The following FLT1 variants were observed in gnomAD, a reference collection of about 807,000 sequenced individuals.
The protein encoded by FLT1 is vascular endothelial growth factor receptor 1.
A neutral mutation model predicts 156.3 loss-of-function variants in FLT1; 49 were observed. The observed-to-expected ratio is 0.31, with a 90% CI of 0.25 to 0.40. The LOEUF (loss-of-function observed/expected upper bound fraction) is 0.40, where lower values mean the gene tolerates loss of function less well. Among genes scored for constraint, FLT1 ranks in the 10% least tolerant of loss-of-function variants. FLT1 has a pLI of 1.00. For missense variants in FLT1, 1,322 were observed against 1,637.2 expected (o/e 0.81, Z 3.32); for synonymous variants, 594 against 583.8 (o/e 1.02, Z -0.25).
intron 14 of FLT1, among the ~76,000 whole-genome samples, chr13:28,376,377 T>G (rs1873839950): frequency 6.6e-6 from 1 of 152,258 alleles, no homozygotes; most frequent in Non-Finnish European, 1.5e-5. Flanking sequence ...ACTACTGCTT[T>G]AACCTTAAAA....
intron 17 of FLT1, 48 bp downstream of exon 17, chr13:28,339,120 A>C (rs193299048): frequency 2.1e-4 from 337 of 1,573,838 alleles, no homozygotes; most frequent in Admixed American, 1.7e-4. Flanking sequence ...TTTTTCATGT[A>C]ATATGTGCTC....
intron 3 of FLT1, among the ~76,000 whole-genome samples, chr13:28,450,037 G>A (rs545124894): frequency 3.0e-4 from 46 of 152,254 alleles, no homozygotes; most frequent in Admixed American, 1.5e-3. Flanking sequence ...CAGCAGAGGC[G>A]GACACATGGC....
At chr13:28,321,776 G>A (rs1202933918) in intron 22 of FLT1, among the ~76,000 whole-genome samples, 191 bp from the exon 23 acceptor site, 1 of 152,232 alleles carries the variant, frequency 6.6e-6, no homozygotes, top group East Asian at 1.9e-4. Context: ...AGCCCTCAAA[G>A]TCAAGAAATG....
chr13:28,334,767 T>C (rs1241277795), intron 17 of FLT1, among the ~76,000 whole-genome samples: 2 of 152,194 alleles, frequency 1.3e-5, no homozygotes, highest in African/African-American at 4.8e-5. Context: ...AGGTAGTTGC[T>C]AAATGCAATA....
chr13:28,484,368 A>T (rs1881027110), intron 1 of FLT1, among the ~76,000 whole-genome samples: 1 of 152,184 alleles, frequency 6.6e-6, no homozygotes, highest in Non-Finnish European at 1.5e-5. Flanking sequence ...GAGCTTTTCT[A>T]GAATAAAGTG....
chr13:28,399,394 T>C (rs1875285783), intron 11 of FLT1, among the ~76,000 whole-genome samples: 1 of 152,188 alleles, frequency 6.6e-6, no homozygotes, highest in Non-Finnish European at 1.5e-5. Flanking sequence ...TTGGGAGTGT[T>C]TGAAATTATG....
chr13:28,370,201 A>G (rs1165906055), intron 14 of FLT1, among the ~76,000 whole-genome samples: 1 of 151,960 alleles, frequency 6.6e-6, no homozygotes, highest in Non-Finnish European at 1.5e-5. Flanking sequence ...AAAAAAAAAA[A>G]GCTGTATAAT....
In FLT1 at chr13:28,427,130, A is replaced by C. The variant is rs755236415; in HGVS notation, c.1436+29T>G. On this transcript the variant is annotated intron_variant, in intron 10 of 29. Coordinates refer to ENST00000282397, the MANE Select transcript of FLT1 (RefSeq NM_002019.4). ...ATTCCAGGTGTCAAAAAGTATTTGA[A>C]AGTTAGTAAAAAAACTGACTGTCCC... 3.2e-5 allele frequency: 51 copies of C among 1,604,678 alleles called. 1 individual carries two copies. The South Asian group carries it at 5.6e-4, about 18-fold the overall frequency.
In FLT1 at chr13:28,300,542, C is replaced by G. The variant is rs1870470909; in HGVS notation, c.*2625G>C. 1 of 232,884 alleles carries G rather than the reference C, an allele frequency of 4.3e-6. No individual in the cohort carries two copies. The highest frequency in any genetic ancestry group is 8.5e-6 in the Non-Finnish European group (1 of 118,042). The allele number at this position is 232,884 out of a possible 1,614,324, so 14.4% of individuals were successfully genotyped here. On this transcript the variant is annotated 3_prime_UTR_variant, in exon 30 of 30. Transcript: ENST00000282397. ...ACACCCACACACACACACACACACA[C>G]ACACACACACACACATACAGTTACA...
At chr13:28,345,378 T>G in intron 16 of FLT1, 67 bp downstream of exon 16, 1 of 945,200 alleles carries the variant, frequency 1.1e-6, no homozygotes, top group Non-Finnish European at 1.7e-6. Context: ...TTGCCTACTC[T>G]AGACATCAGA....
Position 28,491,856 on chromosome 13 carries a change from C to G in FLT1, c.64+2924G>C, listed in dbSNP as rs574883982. Among the ~76,000 whole-genome samples, 6 of 152,248 alleles carry G rather than the reference C, an allele frequency of 3.9e-5. No homozygotes were observed. In the South Asian group the frequency reaches 1.2e-3, roughly 32 times the overall value. ...CATTTTACATACGAAAACAAAGTAC[C>G]CACTTGGTGATCGTTAGAAAAGAAA... On this transcript the variant is annotated intron_variant, in intron 1 of 29. Transcript: ENST00000282397.
At chr13:28,427,606 G>A (rs939421299) in intron 9 of FLT1, 146 bp downstream of exon 9, 1 of 786,150 alleles carries the variant, frequency 1.3e-6, no homozygotes, top group Admixed American at 2.0e-5. Flanking sequence ...AGATTGTTAA[G>A]ATGGGAACTT....
chr13:28,443,941 T>C (rs1161781308), intron 3 of FLT1, among the ~76,000 whole-genome samples: 1 of 152,084 alleles, frequency 6.6e-6, no homozygotes, highest in African/African-American at 2.4e-5. Context: ...AAATAAGAAA[T>C]TATTAGTGAG....
chr13:28,431,853 A>T (rs572775261), intron 6 of FLT1, among the ~76,000 whole-genome samples: 1 of 152,170 alleles, frequency 6.6e-6, no homozygotes, highest in African/African-American at 2.4e-5. Flanking sequence ...CCTACGAGAT[A>T]TGAAGGAAAA....
rs1593661640 is a variant in FLT1 at position 28,302,006 on chromosome 13, C to T, written c.*1161G>A. ...GAATCCCCATTAAATGAAAAGGAAACGTGACTGACTTCCTGTGTTTTGGGT... is the reference window on the plus strand; with the variant it reads ...GAATCCCCATTAAATGAAAAGGAAATGTGACTGACTTCCTGTGTTTTGGGT... On this transcript the variant is annotated 3_prime_UTR_variant, in exon 30 of 30. Coordinates refer to ENST00000282397, the MANE Select transcript of FLT1 (RefSeq NM_002019.4). The T allele has an allele frequency of 1.7e-5, 4 of 233,648 alleles. No homozygotes were observed. Among genetic ancestry groups the T allele is most frequent in the East Asian group, 6.0e-5 (1 of 16,584 alleles). The allele number at this position is 233,648 out of a possible 1,614,324, so 14.5% of individuals were successfully genotyped here.
chr13:28,302,507 G>A lies in FLT1; in HGVS notation c.*660C>T. On this transcript the variant is annotated 3_prime_UTR_variant, in exon 30 of 30. Transcript: ENST00000282397. ...TCTTGCCTCCCAGAATCCAGAAAAT[G>A]TCCCCTCATCGCTGTCCATCTGCTC... The A allele has an allele frequency of 4.3e-6, 1 of 233,296 alleles. No homozygotes were observed. Among genetic ancestry groups the A allele is most frequent in the East Asian group, 6.0e-5 (1 of 16,596 alleles). 14.5% of individuals were successfully genotyped at this position (233,296 alleles called of 1,614,324 possible).
At chr13:28,452,449 A>G (rs1331503764) in intron 3 of FLT1, among the ~76,000 whole-genome samples, 2 of 152,224 alleles carry the variant, frequency 1.3e-5, no homozygotes, top group Non-Finnish European at 2.9e-5. Context: ...GACCTACACC[A>G]GGTGCTTAAT....
chr13:28,420,937 C>A (rs1433528679), intron 10 of FLT1, among the ~76,000 whole-genome samples: 1 of 152,062 alleles, frequency 6.6e-6, no homozygotes, highest in Non-Finnish European at 1.5e-5. Context: ...CTCTCGGAAG[C>A]CCTTCTCAGA....
rs543200220 is a variant in FLT1, at chr13:28,481,283, C to T, written c.64+13497G>A. Among the ~76,000 whole-genome samples the T allele has an allele frequency of 3.1e-5, 4 of 128,572 alleles. No homozygotes were observed. The East Asian group carries it at 8.9e-4, about 29-fold the overall frequency. The allele number at this position is 128,572 out of a possible 152,430, so 84.3% of individuals were successfully genotyped here. On this transcript the variant is annotated intron_variant, in intron 1 of 29. Coordinates refer to ENST00000282397, the MANE Select transcript of FLT1 (RefSeq NM_002019.4). ...TAGATCCTCATTCTCAATCCTGAGT[C>T]TACAGTCGAGTCAGGAGAACATGGC...
Sources: gnomAD v4.1 joint callset for allele counts (sites outside exome capture counted in the v4.1 genomes callset) on GRCh38, gnomAD v4.1.1 for gene constraint, MANE v1.5 for transcripts, NCBI Gene and HGNC (gene_info 2026-07-23, HGNC 2026-07-21) for gene names.